The following TCOF1 variants were observed in gnomAD, a reference collection of about 807,000 sequenced individuals.
TCOF1 encodes the protein treacle ribosome biogenesis factor 1, also known as treacle protein.
In TCOF1, 33 loss-of-function variants were observed where a neutral mutation model predicts 149.0. That is an observed-to-expected ratio of 0.22 (90% CI 0.17 to 0.30). The LOEUF is 0.30. Ranked by LOEUF, TCOF1 falls within the 10% of genes least tolerant of loss-of-function variation. The pLI is 1.00. For synonymous variants in TCOF1, 789 were observed against 738.8 expected (o/e 1.07, Z -1.10); for missense variants, 1,728 against 1,840.7 (o/e 0.94, Z 1.12).
chr5:150,383,686 A>G (rs1561516472), intron 17 of TCOF1: 6 of 1,529,506 alleles, frequency 3.9e-6, no homozygotes, highest in Middle Eastern at 1.7e-4. Context: ...GGCTGAGGAA[A>G]GGTCCAAACG....
chr5:150,390,097 T>C, intron 19 of TCOF1, 74 bp downstream of exon 19: 1 of 1,547,104 alleles, frequency 6.5e-7, no homozygotes, highest in African/African-American at 1.4e-5. Flanking sequence ...CCACATGTGC[T>C]GATGGGATGG....
rs1479100660 is a variant in TCOF1 at position 150,398,370 on chromosome 5, A to C, written c.4362A>C (p.Glu1454Asp). The change falls in exon 25 of 27, where the codon GAA becomes GAC. Residue 1454 changes from glutamate to aspartate, a missense_variant. Physicochemically the swap from Glu to Asp is conservative, Grantham distance 45 (BLOSUM62 2). Transcript: ENST00000643257. ...TTCCCTTAGGAAAAAAAGACAAAGA[A>C]AAAAAAGAAAAGAAGAAGAAAGCAA... The part of the protein sequence containing the change: ...KKSDKRKKDK[E>D]KKEKKKKAKK... The C allele has an allele frequency of 6.2e-7, 1 of 1,613,728 alleles. No individual in the cohort carries two copies. Among genetic ancestry groups the C allele is most frequent in the South Asian group, 1.1e-5 (1 of 91,036 alleles).
Position 150,391,601 on chromosome 5 carries a change from G to A in TCOF1, c.3241G>A (p.Ala1081Thr), listed in dbSNP as rs112144548. The change falls in exon 20 of 27, where the codon GCC (alanine) becomes ACC (threonine). Residue 1081 changes from alanine (A) to threonine (T), a missense_variant. Physicochemically the swap from Ala to Thr is moderately conservative, Grantham distance 58. This residue lies in a region of TCOF1 where 1,696 missense variants were observed against 1,765.4 expected (regional missense o/e 0.96). Transcript: ENST00000643257. ...PLTQAALKVL[A>T]QKASEAQPPV... ...GACCCAGGCTGCCCTGAAGGTCCTC[G>A]CCCAGAAAGCCAGTGAGGCTCAGCC... The A allele has an allele frequency of 6.3e-5, 101 of 1,614,062 alleles. No homozygotes were observed. In the African/African-American group the frequency reaches 1.0e-3, roughly 16 times the overall value.
intron 3 of TCOF1, among the ~76,000 whole-genome samples, chr5:150,365,624 A>C (rs1761170732): frequency 6.6e-6 from 1 of 152,066 alleles, no homozygotes; most frequent in African/African-American, 2.4e-5. Flanking sequence ...CAAATGGTAA[A>C]ATTTCTTACT....
intron 26 of TCOF1, 59 bp downstream of exon 26, chr5:150,399,129 G>A: frequency 6.2e-7 from 1 of 1,610,008 alleles, no homozygotes; most frequent in Non-Finnish European, 8.5e-7. Flanking sequence ...GGTGTCCCCT[G>A]TGGTCCCAGA....
In TCOF1 at chr5:150,379,428, G is replaced by T. The variant is rs764968257; in HGVS notation, c.2658+20G>T. The T allele has an allele frequency of 6.2e-7, 1 of 1,613,996 alleles. No homozygotes were observed. Among genetic ancestry groups the T allele is most frequent in the Non-Finnish European group, 8.5e-7 (1 of 1,179,974 alleles). ...GCTCAGGTGAGGGGGAGGGAATGGAGATCATCCCCTACATGGGATGTAACA... is the reference window on the plus strand; with the variant it reads ...GCTCAGGTGAGGGGGAGGGAATGGATATCATCCCCTACATGGGATGTAACA... On this transcript the variant is annotated intron_variant, in intron 16 of 26. Transcript: ENST00000643257.
rs775924554 is a variant in TCOF1, at chr5:150,374,199, A to C, written c.896A>C (p.Gln299Pro). The change falls in exon 8 of 27, where the codon CAG (glutamine) becomes CCG (proline). Residue 299 changes from glutamine to proline, a missense_variant. Transcript: ENST00000643257. The stretch of plus-strand genomic sequence containing the variant: ...GTAAAGGCCTCTGAAAAAATTCTCC[A>C]GGTCAGAGCTGCCTCAGCCCCTGCC... ...SQVKASEKIL[Q>P]VRAASAPAKG... is the part of the protein sequence containing the mutation. The C allele has an allele frequency of 6.2e-7, 1 of 1,612,650 alleles. No homozygotes were observed. The highest frequency in any genetic ancestry group is 1.7e-5 in the Admixed American group (1 of 59,902).
intron 17 of TCOF1, chr5:150,383,882 C>T: frequency 6.5e-7 from 1 of 1,541,670 alleles, no homozygotes; most frequent in East Asian, 2.5e-5. Context: ...ACCAGGCCCA[C>T]CTTATCTTCC....
chr5:150,382,251 G>A lies in TCOF1; in HGVS notation c.2859+2519G>A, dbSNP rs554320735. 4.1e-4 allele frequency among the ~76,000 whole-genome samples: 63 copies of A among 152,310 alleles called. 2 individuals are homozygous for A. The South Asian group carries it at 1.0e-2, about 24-fold the overall frequency. On this transcript the variant is annotated intron_variant, in intron 17 of 26. Transcript: ENST00000643257. Reference sequence around the variant, plus strand: ...CCGCCTTAGCCATAGACAAGAGGCCGGTAGTTCCCATGACTGGCTGGGAGG... The same window carrying A: ...CCGCCTTAGCCATAGACAAGAGGCCAGTAGTTCCCATGACTGGCTGGGAGG...
chr5:150,374,457 C>A, intron 8 of TCOF1, 71 bp downstream of exon 8: 4 of 1,547,594 alleles, frequency 2.6e-6, no homozygotes, highest in Non-Finnish European at 3.5e-6. Flanking sequence ...ACTTGTTCTC[C>A]CACTCTGGGC....
chr5:150,391,783 A>G, intron 20 of TCOF1, 126 bp downstream of exon 20: 1 of 1,188,612 alleles, frequency 8.4e-7, no homozygotes, highest in East Asian at 2.5e-5. Context: ...CCTCGGCCTC[A>G]GTGGCCTAAT....
chr5:150,368,275 G>A (rs1761784422), intron 4 of TCOF1: 1 of 361,998 alleles, frequency 2.8e-6, no homozygotes. Context: ...TAGTGATCAA[G>A]ACATCTGTGG....
intron 26 of TCOF1, 30 bp downstream of exon 26, chr5:150,399,100 A>G: frequency 6.2e-7 from 1 of 1,614,064 alleles, no homozygotes; most frequent in Non-Finnish European, 8.5e-7. Context: ...CTGAGCATTC[A>G]GGGTGGGAGG....
chr5:150,389,335 G>A (rs1463627572), intron 18 of TCOF1, among the ~76,000 whole-genome samples: 1 of 152,108 alleles, frequency 6.6e-6, no homozygotes, highest in African/African-American at 2.4e-5. Context: ...TTATGACATC[G>A]GGTTTTTTTC....
intron 16 of TCOF1, 30 bp from the exon 17 acceptor site, chr5:150,379,500 GCT>G: frequency 1.9e-6 from 3 of 1,613,276 alleles, no homozygotes; most frequent in South Asian, 2.2e-5. Flanking sequence ...CACCCTCCAG[GCT>G]CTCTCCTCTC....
chr5:150,363,438 A>G (rs909784980), intron 2 of TCOF1, among the ~76,000 whole-genome samples: 3 of 152,168 alleles, frequency 2.0e-5, no homozygotes, highest in Non-Finnish European at 2.9e-5. Flanking sequence ...GGCCTCAGCC[A>G]TCTGGGTGCT....
At chr5:150,375,698 C>T (rs767066178) in intron 11 of TCOF1, 23 bp from the exon 12 acceptor site, 11 of 1,614,014 alleles carry the variant, frequency 6.8e-6, no homozygotes, top group African/African-American at 4.0e-5. Context: ...CTCCCTCTCC[C>T]GATCCTGTGT....
In TCOF1 at chr5:150,396,364, C is replaced by G; in HGVS notation, c.3867C>G (p.Thr1289=). The change falls in exon 24 of 27, where the codon ACC becomes ACG. Residue 1289 remains threonine, a synonymous_variant. Coordinates refer to ENST00000643257, the MANE Select transcript of TCOF1 (RefSeq NM_001371623.1). ...KKGAGNPQAS[T]LALQSNITQC... ...GGGCTGGGAACCCCCAAGCCTCAAC[C>G]CTGGCGCTGCAAAGCAACATCACCC... is the stretch of plus-strand genomic sequence containing the variant. 1.9e-6 allele frequency: 3 copies of G among 1,614,006 alleles called. No homozygotes were observed. The highest frequency in any genetic ancestry group is 8.5e-7 in the Non-Finnish European group (1 of 1,180,048).
rs1221038705 is a variant in TCOF1 at position 150,396,556 on chromosome 5, C to T, written c.4059C>T (p.Asp1353=). ...WESRKRKLSG[D]QPAARTPRSK... ...GCCGCAAGCGGAAGCTATCGGGAGA[C>T]CAGCCAGCTGCCAGGACCCCCAGGA... Residue 1353 remains aspartate (D), a synonymous_variant, in exon 24 of 27, where the codon GAC becomes GAT. Coordinates refer to ENST00000643257, the MANE Select transcript of TCOF1 (RefSeq NM_001371623.1). 3 of 1,588,538 alleles carry T rather than the reference C, an allele frequency of 1.9e-6. No homozygotes were observed. The highest frequency in any genetic ancestry group is 1.7e-6 in the Non-Finnish European group (2 of 1,167,560).
Sources: gnomAD v4.1 joint callset for allele counts (sites outside exome capture counted in the v4.1 genomes callset) on GRCh38, gnomAD v4.1.1 for gene constraint, gnomAD v4.1.1 regional missense constraint, MANE v1.5 for transcripts, NCBI Gene and HGNC (gene_info 2026-07-23, HGNC 2026-07-21) for gene names.